DNAH9: variants seen among roughly 807,000 people sequenced by gnomAD.
DNAH9 encodes dynein axonemal heavy chain 9, also known as DNAH9 variant protein.
In DNAH9, 345 loss-of-function variants were observed where a neutral mutation model predicts 471.6. The observed-to-expected ratio is 0.73, with a 90% CI of 0.67 to 0.80. The LOEUF is 0.80. Ranked by LOEUF, DNAH9 falls within the 30% of genes least tolerant of loss-of-function variation. The pLI, the probability that DNAH9 is intolerant of heterozygous loss-of-function variation, is 0.00. For missense variants in DNAH9, 5,407 were observed against 5,609.2 expected, an observed-to-expected ratio of 0.96 and a Z score of 1.15; for synonymous variants, 2,093 against 2,123.6, an observed-to-expected ratio of 0.99 and a Z score of 0.40.
chr17:11,787,364 T>A (rs1968911296), intron 41 of DNAH9, among the ~76,000 whole-genome samples: 1 of 152,196 alleles, frequency 6.6e-6, no homozygotes. Context: ...CACCTCCTTT[T>A]AAGTCATAGT....
chr17:11,854,330 T>C lies in DNAH9; in HGVS notation c.9835T>C (p.Phe3279Leu). Residue 3279 changes from phenylalanine to leucine, a missense_variant, in exon 50 of 69, where the codon TTC becomes CTC. Around this residue, in one of 3 missense-constraint regions of DNAH9, gnomAD observed 4,636 missense variants for 4,900.3 expected, o/e 0.95. Transcript: ENST00000262442. ...VINIVRFYEVFCDVEPKRQAL... is the reference protein window; with the variant it reads ...VINIVRFYEVLCDVEPKRQAL... ...CAATATTGTGAGATTTTATGAGGTG[T>C]TCTGTGATGTGGAACCCAAGCGCCA... is the stretch of plus-strand genomic sequence containing the variant. 1 of 1,614,014 alleles carries C rather than the reference T, an allele frequency of 6.2e-7. No homozygotes were observed. The highest frequency in any genetic ancestry group is 8.5e-7 in the Non-Finnish European group (1 of 1,180,018).
intron 11 of DNAH9, among the ~76,000 whole-genome samples, chr17:11,645,167 G>T (rs2073356933): frequency 6.6e-6 from 1 of 152,166 alleles, no homozygotes; most frequent in South Asian, 2.1e-4. Context: ...CAGGGCTTAG[G>T]GTCTAGAAAC....
rs1484629773 is a variant in DNAH9, at chr17:11,847,219, C to T, written c.9508-6784C>T. On this transcript the variant is annotated intron_variant, in intron 49 of 68. Coordinates refer to ENST00000262442, the MANE Select transcript of DNAH9 (RefSeq NM_001372.4). ...CAGAAGCTCTTTAGTTTAATTAGAT[C>T]TCATTTGTCAATTTTTGCTTTTGTC... Among the ~76,000 whole-genome samples the T allele has an allele frequency of 4.6e-5, 7 of 152,264 alleles. No individual in the cohort carries two copies. The East Asian group carries it at 1.2e-3, about 25-fold the overall frequency.
chr17:11,656,705 T>C (rs2150709778), intron 14 of DNAH9, among the ~76,000 whole-genome samples: 1 of 152,284 alleles, frequency 6.6e-6, no homozygotes, highest in African/African-American at 2.4e-5. Context: ...TACAGAACGT[T>C]TGCTATTACC....
intron 50 of DNAH9, among the ~76,000 whole-genome samples, chr17:11,861,743 T>A (rs1319802586): frequency 6.6e-6 from 1 of 152,214 alleles, no homozygotes; most frequent in Non-Finnish European, 1.5e-5. Context: ...GATATCTCAT[T>A]GTGGTTTTGA....
At chr17:11,808,165 A>G (rs1429033104) in intron 44 of DNAH9, among the ~76,000 whole-genome samples, 1 of 152,172 alleles carries the variant, frequency 6.6e-6, no homozygotes, top group African/African-American at 2.4e-5. Flanking sequence ...TCAGAAGCAC[A>G]TCTGTATCAA....
Position 11,626,166 on chromosome 17 carries a change from C to T in DNAH9, c.1351-3251C>T, listed in dbSNP as rs1403505129. Among the ~76,000 whole-genome samples, 2 of 151,922 alleles carry T rather than the reference C, an allele frequency of 1.3e-5. No individual in the cohort carries two copies. Among genetic ancestry groups the T allele is most frequent in the Admixed American group, 6.6e-5 (1 of 15,234 alleles). ...GTGTCTCTGAAGTGGATATTTCAGC[C>T]GGTGTATAACATGATGAATTTCGTG... On this transcript the variant is annotated intron_variant, in intron 6 of 68. Transcript: ENST00000262442. The surrounding 1 kb of genome is among the most constrained non-coding windows in gnomAD (Gnocchi z 4.3).
chr17:11,719,326 T>A lies in DNAH9; in HGVS notation c.5553-8T>A, dbSNP rs906088072. On this transcript the variant is annotated splice_polypyrimidine_tract_variant and splice_region_variant and intron_variant, in intron 26 of 68. Coordinates refer to ENST00000262442, the MANE Select transcript of DNAH9 (RefSeq NM_001372.4). ...GAATGATGACCTATGCCCTCCCGTG[T>A]TTGGCAGGTGCTACATCACCCTCAC... 1 of 1,613,284 alleles carries A rather than the reference T, an allele frequency of 6.2e-7. No individual in the cohort carries two copies. Among genetic ancestry groups the A allele is most frequent in the African/African-American group, 1.3e-5 (1 of 74,864 alleles).
intron 61 of DNAH9, among the ~76,000 whole-genome samples, chr17:11,923,478 A>AT (rs1974208137): frequency 6.6e-6 from 1 of 151,582 alleles, no homozygotes; most frequent in Non-Finnish European, 1.5e-5. Context: ...CGCCCAGCTA[A>AT]TTTTTTGTAT....
chr17:11,724,859 T>C (rs1431324038), intron 27 of DNAH9, among the ~76,000 whole-genome samples: 1 of 152,192 alleles, frequency 6.6e-6, no homozygotes, highest in Non-Finnish European at 1.5e-5. Context: ...TAATATACAA[T>C]GAAATAATTA....
chr17:11,763,388 C>G (rs1178870645), intron 35 of DNAH9, 52 bp from the exon 36 acceptor site: 1 of 1,536,892 alleles, frequency 6.5e-7, no homozygotes, highest in African/African-American at 1.4e-5. Context: ...AACAGCACCA[C>G]CAGAATGGAA....
intron 39 of DNAH9, among the ~76,000 whole-genome samples, chr17:11,781,831 T>TG (rs1968677055): frequency 9.2e-6 from 1 of 108,638 alleles, no homozygotes; most frequent in African/African-American, 4.7e-5. Context: ...GACTCCATCT[T>TG]AAAAAAAAAA....
chr17:11,636,812 G>A (rs775163392), intron 9 of DNAH9, 28 bp downstream of exon 9: 1 of 1,606,242 alleles, frequency 6.2e-7, no homozygotes, highest in Non-Finnish European at 8.5e-7. Flanking sequence ...GATTTTGATG[G>A]GGACATTCTG....
At chr17:11,750,573 G>A (rs1407667327) in intron 32 of DNAH9, among the ~76,000 whole-genome samples, 1 of 152,056 alleles carries the variant, frequency 6.6e-6, no homozygotes, top group African/African-American at 2.4e-5. Flanking sequence ...TCAATTTACA[G>A]GTCACATTCT....
At chr17:11,839,806 C>G (rs1970969741) in intron 49 of DNAH9, among the ~76,000 whole-genome samples, 1 of 152,154 alleles carries the variant, frequency 6.6e-6, no homozygotes. Context: ...ATGATTGCCA[C>G]AGTCAAGCAA....
intron 36 of DNAH9, among the ~76,000 whole-genome samples, chr17:11,764,897 T>C (rs1216872337): frequency 6.6e-6 from 1 of 152,204 alleles, no homozygotes; most frequent in Non-Finnish European, 1.5e-5. Context: ...TCACATCATA[T>C]GCATTAAATA....
chr17:11,858,898 A>G (rs1297678102), intron 50 of DNAH9, among the ~76,000 whole-genome samples: 1 of 152,038 alleles, frequency 6.6e-6, no homozygotes, highest in Non-Finnish European at 1.5e-5. Context: ...AGCCTGACCA[A>G]CAATGGTGAA....
chr17:11,604,017 T>C (rs2072443074), intron 1 of DNAH9, among the ~76,000 whole-genome samples: 1 of 146,220 alleles, frequency 6.8e-6, no homozygotes, highest in South Asian at 2.4e-4. Context: ...CCTCCTCTTA[T>C]TCCCCACTTC....
At chr17:11,787,402 C>T (rs1410242279) in intron 41 of DNAH9, among the ~76,000 whole-genome samples, 1 of 152,166 alleles carries the variant, frequency 6.6e-6, no homozygotes, top group East Asian at 1.9e-4. Context: ...ACTTTTAGGC[C>T]ATACTTAAAG....
Sources: allele counts gnomAD v4.1 joint callset (sites outside exome capture counted in the v4.1 genomes callset), GRCh38; gene constraint gnomAD v4.1.1; regional missense constraint gnomAD v4.1.1; non-coding constraint Gnocchi (gnomAD v3.1); transcripts MANE v1.5; gene names NCBI Gene and HGNC (gene_info 2026-07-23, HGNC 2026-07-21).